Variants in AGK observed in about 807,000 individuals in gnomAD.
The protein encoded by AGK is acylglycerol kinase, mitochondrial.
AGK carries 52 observed loss-of-function variants against 66.4 expected under a neutral mutation model. The observed-to-expected ratio is 0.78, with a 90% CI of 0.63 to 0.99. The LOEUF (loss-of-function observed/expected upper bound fraction) is 0.99, where lower values mean the gene tolerates loss of function less well. Among genes scored for constraint, AGK ranks in the 50% least tolerant of loss-of-function variants. The probability of loss-of-function intolerance (pLI) is 0.00; values close to 1 mark genes in which losing one functional copy is unlikely to be tolerated. For synonymous variants in AGK, 182 were observed against 181.1 expected, an observed-to-expected ratio of 1.00 and a Z score of -0.04; for missense variants, 451 against 506.6, an observed-to-expected ratio of 0.89 and a Z score of 1.05.
chr7:141,597,649 T>C (rs1796254233), intron 4 of AGK, among the ~76,000 whole-genome samples: 1 of 151,860 alleles, frequency 6.6e-6, no homozygotes, highest in Non-Finnish European at 1.5e-5. Context: ...GGTGGGCAGA[T>C]CACTTGAGCC....
At chr7:141,564,918 G>T (rs1795438044) in intron 2 of AGK, among the ~76,000 whole-genome samples, 1 of 151,982 alleles carries the variant, frequency 6.6e-6, no homozygotes, top group Non-Finnish European at 1.5e-5. Flanking sequence ...GTAGGGACGG[G>T]GTTTCTCCAT....
At chr7:141,570,805 T>C (rs1334018865) in intron 2 of AGK, among the ~76,000 whole-genome samples, 1 of 152,224 alleles carries the variant, frequency 6.6e-6, no homozygotes, top group Non-Finnish European at 1.5e-5. Flanking sequence ...ATATTCAGTC[T>C]GTGTTTCTAT....
chr7:141,614,075 T>C (rs1416936383), intron 6 of AGK, 71 bp from the exon 7 acceptor site: 26 of 1,166,358 alleles, frequency 2.2e-5, no homozygotes, highest in Non-Finnish European at 3.1e-5. Flanking sequence ...TCTATGAAAA[T>C]TGAATCCAAT....
chr7:141,557,450 C>T (rs1336599174), intron 2 of AGK, among the ~76,000 whole-genome samples: 1 of 152,244 alleles, frequency 6.6e-6, no homozygotes, highest in African/African-American at 2.4e-5. Context: ...TTTGCTGGAG[C>T]ATCCAATCTA....
intron 2 of AGK, among the ~76,000 whole-genome samples, chr7:141,564,701 T>G (rs1051822161): frequency 4.6e-5 from 7 of 152,316 alleles, no homozygotes; most frequent in Admixed American, 4.6e-4. Context: ...TTTCCTCCTC[T>G]GTCTCTGGCT....
intron 2 of AGK, among the ~76,000 whole-genome samples, chr7:141,567,327 T>A (rs1301837938): frequency 6.6e-6 from 1 of 152,198 alleles, no homozygotes; most frequent in Non-Finnish European, 1.5e-5. Flanking sequence ...AATTGCATAT[T>A]TTAATTTCTT....
intron 5 of AGK, among the ~76,000 whole-genome samples, chr7:141,602,204 T>TGTGTGTGTGTGTG (rs1234161553): frequency 1.3e-5 from 2 of 151,514 alleles, no homozygotes; most frequent in African/African-American, 4.8e-5. Context: ...TGTGTGTGTG[T>TGTGTGTGTGTGTG]GTGTGTGTAT....
chr7:141,589,802 C>T (rs1407620227), intron 2 of AGK, among the ~76,000 whole-genome samples: 3 of 152,118 alleles, frequency 2.0e-5, no homozygotes, highest in Non-Finnish European at 4.4e-5. Flanking sequence ...TCAGGTGATC[C>T]GCCCATCTCG....
intron 2 of AGK, among the ~76,000 whole-genome samples, chr7:141,580,064 G>A (rs1044286586): frequency 5.3e-5 from 8 of 152,010 alleles, no homozygotes; most frequent in Admixed American, 5.2e-4. Context: ...AAGCAGACTT[G>A]AGAAGAGTTT....
intron 2 of AGK, among the ~76,000 whole-genome samples, chr7:141,578,501 A>C (rs1442550011): frequency 6.6e-6 from 1 of 151,880 alleles, no homozygotes; most frequent in African/African-American, 2.4e-5. Flanking sequence ...ATTAATAAGA[A>C]AAATAACATA....
chr7:141,554,075 C>T (rs930242915), intron 1 of AGK, among the ~76,000 whole-genome samples: 1 of 152,054 alleles, frequency 6.6e-6, no homozygotes, highest in Non-Finnish European at 1.5e-5. Context: ...TGCAGTGGCT[C>T]ACGTCTGTAA....
intron 4 of AGK, chr7:141,599,208 G>A (rs1471441044): frequency 6.6e-6 from 1 of 151,926 alleles, no homozygotes; most frequent in Non-Finnish European, 1.5e-5. Context: ...TTATCATGTA[G>A]CTATTTCATT....
intron 13 of AGK, among the ~76,000 whole-genome samples, chr7:141,642,513 T>C (rs1797312993): frequency 6.6e-6 from 1 of 152,184 alleles, no homozygotes; most frequent in East Asian, 1.9e-4. Flanking sequence ...CTAGTAGCCA[T>C]CATACTGGAA....
intron 2 of AGK, among the ~76,000 whole-genome samples, chr7:141,558,858 T>C (rs554553811): frequency 3.3e-4 from 50 of 152,324 alleles, no homozygotes; most frequent in African/African-American, 1.2e-3. Flanking sequence ...TGGTTTTGGT[T>C]TGCATTTTTC....
chr7:141,620,947 C>T (rs1796810564), intron 8 of AGK, among the ~76,000 whole-genome samples: 1 of 152,184 alleles, frequency 6.6e-6, no homozygotes. Flanking sequence ...CTAGTCAGCT[C>T]CAGCCTTGCA....
chr7:141,594,488 G>A (rs1237235800), intron 3 of AGK, among the ~76,000 whole-genome samples: 44 of 151,984 alleles, frequency 2.9e-4, no homozygotes, highest in Non-Finnish European at 2.9e-5. Flanking sequence ...ACCACACCTG[G>A]CCCCTTTCTT....
chr7:141,596,073 CA>C (rs1195396305), intron 3 of AGK, among the ~76,000 whole-genome samples: 1 of 152,114 alleles, frequency 6.6e-6, no homozygotes, highest in East Asian at 1.9e-4. Flanking sequence ...AGTTATCATA[CA>C]GGGTTGCAAA....
At chr7:141,611,749 C>T (rs1465033497) in intron 6 of AGK, among the ~76,000 whole-genome samples, 1 of 152,132 alleles carries the variant, frequency 6.6e-6, no homozygotes, top group African/African-American at 2.4e-5. Context: ...TGTTAAGATA[C>T]ATGCATCTGC....
In AGK at chr7:141,653,115, C is replaced by T. The variant is rs1400414898; in HGVS notation, c.*191C>T. The T allele has an allele frequency of 1.7e-6, 1 of 592,490 alleles. No individual in the cohort carries two copies. The highest frequency in any genetic ancestry group is 2.9e-6 in the Non-Finnish European group (1 of 342,400). 36.7% of individuals were successfully genotyped at this position (592,490 alleles called of 1,614,324 possible). ...TGTCACCTGCTTTGCAATCGGCTTC[C>T]ATTAGCGCATGTTTTATTTTGGTGT... On this transcript the variant is annotated 3_prime_UTR_variant, in exon 16 of 16. Coordinates refer to ENST00000649286, the MANE Select transcript of AGK (RefSeq NM_018238.4).
Sources: gnomAD v4.1 joint callset for allele counts (sites outside exome capture counted in the v4.1 genomes callset) on GRCh38, gnomAD v4.1.1 for gene constraint, MANE v1.5 for transcripts, NCBI Gene and HGNC (gene_info 2026-07-23, HGNC 2026-07-21) for gene names.